The following FGFR3 variants were observed in gnomAD, a reference collection of about 807,000 sequenced individuals.
FGFR3 encodes FGFR-3.
FGFR3 carries 25 observed loss-of-function variants against 82.9 expected under a neutral mutation model. That is an observed-to-expected ratio of 0.30 (90% CI 0.22 to 0.42). The LOEUF (loss-of-function observed/expected upper bound fraction) is 0.42, where lower values mean the gene tolerates loss of function less well. Among genes scored for constraint, FGFR3 ranks in the 10% least tolerant of loss-of-function variants. The pLI, the probability that FGFR3 is intolerant of heterozygous loss-of-function variation, is 1.00. For synonymous variants in FGFR3, 620 were observed against 516.0 expected (o/e 1.20, Z -2.73); for missense variants, 1,026 against 1,161.0 (o/e 0.88, Z 1.69).
intron 2 of FGFR3, among the ~76,000 whole-genome samples, chr4:1,798,706 G>A (rs536198052): frequency 9.2e-5 from 14 of 152,204 alleles, no homozygotes; most frequent in East Asian, 7.7e-4. Flanking sequence ...TATGGGGTGC[G>A]GGGGCTACTG....
intron 4 of FGFR3, 133 bp from the exon 5 acceptor site, chr4:1,801,234 A>C: frequency 9.7e-7 from 1 of 1,033,750 alleles, no homozygotes; most frequent in Non-Finnish European, 1.4e-6. Flanking sequence ...TGGGAACCTC[A>C]TCCCGCCCTC....
rs768897749 is a variant in FGFR3 at position 1,805,647 on chromosome 4, G to A, written c.1623G>A (p.Leu541=). The stretch of plus-strand genomic sequence containing the variant: ...GGAAACACAAAAACATCATCAACCT[G>A]CTGGGCGCCTGCACGCAGGGCGGTA... ...MIGKHKNIIN[L]LGACTQGGPL... is the part of the protein sequence containing the mutation. The change falls in exon 12 of 18, where the codon CTG becomes CTA. Residue 541 remains leucine, a synonymous_variant. Coordinates refer to ENST00000440486, the MANE Select transcript of FGFR3 (RefSeq NM_000142.5). 6.2e-7 allele frequency: 1 copy of A among 1,613,212 alleles called. No individual in the cohort carries two copies. Among genetic ancestry groups the A allele is most frequent in the Non-Finnish European group, 8.5e-7 (1 of 1,179,742 alleles).
At chr4:1,799,559 C>T (rs2108774247) in intron 3 of FGFR3, 36 bp downstream of exon 3, 1 of 1,549,786 alleles carries the variant, frequency 6.5e-7, no homozygotes, top group Non-Finnish European at 8.7e-7. Flanking sequence ...CAGAAAGGAG[C>T]CGAGTGCCGG....
chr4:1,803,054 G>T, intron 7 of FGFR3: 3 of 1,595,480 alleles, frequency 1.9e-6, no homozygotes, highest in Non-Finnish European at 2.6e-6. Flanking sequence ...GCGTTCACGG[G>T]CCCCGAGCAG....
In FGFR3 at chr4:1,805,404, A is replaced by C; in HGVS notation, c.1462A>C (p.Met488Leu). The stretch of plus-strand genomic sequence containing the variant: ...GGAGGGCTGCTTCGGCCAGGTGGTC[A>C]TGGCGGAGGCCATCGGCATTGACAA... ...LGEGCFGQVV[M>L]AEAIGIDKDR... Residue 488 changes from methionine to leucine, a missense_variant, in exon 11 of 18, where the codon ATG (methionine) becomes CTG (leucine). By Grantham distance (15) the Met-to-Leu change is conservative. Around this residue, in one of 9 missense-constraint regions of FGFR3, gnomAD observed 22 missense variants for 52.8 expected, o/e 0.42. Transcript: ENST00000440486. 1 of 1,612,430 alleles carries C rather than the reference A, an allele frequency of 6.2e-7. No individual in the cohort carries two copies. Among genetic ancestry groups the C allele is most frequent in the Non-Finnish European group, 8.5e-7 (1 of 1,179,714 alleles).
intron 7 of FGFR3, among the ~76,000 whole-genome samples, chr4:1,802,726 G>T (rs1047421782): frequency 1.3e-5 from 2 of 152,178 alleles, no homozygotes; most frequent in Non-Finnish European, 2.9e-5. Flanking sequence ...GGTTGTTGGG[G>T]TGGAGGCAGA....
Position 1,805,662 on chromosome 4 carries a change from G to T in FGFR3, c.1638G>T (p.Thr546=), listed in dbSNP as rs766139511. ...KNIINLLGAC[T]QGGPLYVLVE... ...TCATCAACCTGCTGGGCGCCTGCAC[G>T]CAGGGCGGTAGGTGCGGTAGCGGCG... The change falls in exon 12 of 18, where the codon ACG becomes ACT. Residue 546 remains threonine (T), a synonymous_variant. Transcript: ENST00000440486. 12 of 1,612,802 alleles carry T rather than the reference G, an allele frequency of 7.4e-6. No individual in the cohort carries two copies. The highest frequency in any genetic ancestry group is 1.0e-5 in the Non-Finnish European group (12 of 1,179,646).
chr4:1,793,595 G>T, intron 1 of FGFR3, 130 bp downstream of exon 1: 1 of 150,406 alleles, frequency 6.6e-6, no homozygotes, highest in South Asian at 2.1e-4. Flanking sequence ...TTCCCGCTCC[G>T]GAAAGTTTGC....
intron 6 of FGFR3, 38 bp downstream of exon 6, chr4:1,801,781 G>A (rs1357256750): frequency 4.4e-6 from 7 of 1,587,890 alleles, no homozygotes; most frequent in Non-Finnish European, 6.0e-6. Flanking sequence ...GGGGGCGGCA[G>A]TGGCGGTGGT....
At chr4:1,799,192 G>C in intron 2 of FGFR3, 62 bp from the exon 3 acceptor site, 2 of 1,609,778 alleles carry the variant, frequency 1.2e-6, no homozygotes, top group Non-Finnish European at 1.7e-6. Flanking sequence ...TTCCACTGCT[G>C]TGTCTGTAAA....
intron 2 of FGFR3, among the ~76,000 whole-genome samples, chr4:1,798,747 C>G (rs545076621): frequency 6.6e-6 from 1 of 152,156 alleles, no homozygotes; most frequent in Non-Finnish European, 1.5e-5. Context: ...TGAATCTGCA[C>G]CACGAGGGGG....
intron 3 of FGFR3, 39 bp from the exon 4 acceptor site, chr4:1,799,708 G>T: frequency 1.2e-6 from 2 of 1,610,756 alleles, no homozygotes; most frequent in Non-Finnish European, 1.7e-6. Context: ...GCCTCCTGGG[G>T]CAGGTTGGGC....
chr4:1,795,658 C>T (rs954391025), intron 2 of FGFR3, among the ~76,000 whole-genome samples: 3 of 152,186 alleles, frequency 2.0e-5, no homozygotes, highest in Non-Finnish European at 2.9e-5. Context: ...CACTGGACTG[C>T]CCTGGCCACC....
At position 1,804,869 on chromosome 4, in the gene FGFR3, G is replaced by T; in HGVS notation, c.1312G>T (p.Val438Leu). The change falls in exon 10 of 18, where the codon GTG (valine) becomes TTG (leucine). Residue 438 changes from valine (V) to leucine (L), a missense_variant. By Grantham distance (32) the Val-to-Leu change is conservative. Around this residue, in one of 9 missense-constraint regions of FGFR3, gnomAD observed 256 missense variants for 217.6 expected, o/e 1.18. Coordinates refer to ENST00000440486, the MANE Select transcript of FGFR3 (RefSeq NM_000142.5). ...NASMSSNTPL[V>L]RIARLSSGEG... ...GTCCATGAGCTCCAACACACCACTG[G>T]TGCGCATCGCAAGGCTGTCCTCAGG... The T allele has an allele frequency of 2.6e-6, 4 of 1,550,112 alleles. No individual in the cohort carries two copies. Among genetic ancestry groups the T allele is most frequent in the Non-Finnish European group, 3.5e-6 (4 of 1,146,940 alleles).
At position 1,806,693 on chromosome 4, in the gene FGFR3, A is replaced by G. The variant is rs746470447; in HGVS notation, c.2168+10A>G. 4 of 1,611,526 alleles carry G rather than the reference A, an allele frequency of 2.5e-6. No homozygotes were observed. The highest frequency in any genetic ancestry group is 1.3e-5 in the African/African-American group (1 of 74,786). On this transcript the variant is annotated intron_variant, in intron 16 of 17. Transcript: ENST00000440486. The stretch of plus-strand genomic sequence containing the variant: ...ACTGCACACACGACCTGTGAGTGGC[A>G]TCCCTGGCCCTCCACTGGGTCCTCA...
chr4:1,799,522 A>G lies in FGFR3; in HGVS notation c.378A>G (p.Thr126=). The G allele has an allele frequency of 1.3e-6, 2 of 1,553,794 alleles. No homozygotes were observed. Among genetic ancestry groups the G allele is most frequent in the Non-Finnish European group, 1.7e-6 (2 of 1,149,598 alleles). Residue 126 remains threonine (T), a splice_region_variant and synonymous_variant, in exon 3 of 18, where the codon ACA becomes ACG. Coordinates refer to ENST00000440486, the MANE Select transcript of FGFR3 (RefSeq NM_000142.5). ...RVLCHFSVRV[T]DAPSSGDDED... ...TGTGCCACTTCAGTGTGCGGGTGAC[A>G]GGTGAGCTCTGGGGCCACGCCAGCT...
At position 1,807,677 on chromosome 4, in the gene FGFR3, C is replaced by G. The variant is rs1411903110; in HGVS notation, c.*415C>G. The G allele has an allele frequency of 4.8e-6, 3 of 622,404 alleles. No homozygotes were observed. In the African/African-American group the frequency reaches 5.3e-5, roughly 11 times the overall value. 38.6% of individuals were successfully genotyped at this position (622,404 alleles called of 1,614,324 possible). On this transcript the variant is annotated 3_prime_UTR_variant, in exon 18 of 18. Transcript: ENST00000440486. ...AGGGTGGGCCTCGGCCCCTCCCACA[C>G]CCAAAGCTGAGCCTGCAGGGAAGCC...
rs1721887181 is a variant in FGFR3 at position 1,806,171 on chromosome 4, A to G, written c.1957A>G (p.Asn653Asp). The part of the protein sequence containing the change: ...HNLDYYKKTT[N>D]GRLPVKWMAP... ...CCTCGACTACTACAAGAAGACGACC[A>G]ACGTGAGCCCGGCCCTGGGGTGCGG... Residue 653 changes from asparagine (N) to aspartate (D), a missense_variant and splice_region_variant, in exon 14 of 18, where the codon AAC (asparagine) becomes GAC (aspartate). By Grantham distance (23) the Asn-to-Asp change is conservative. Transcript: ENST00000440486. The G allele has an allele frequency of 6.2e-7, 1 of 1,612,764 alleles. No individual in the cohort carries two copies. Among genetic ancestry groups the G allele is most frequent in the Admixed American group, 1.7e-5 (1 of 59,902 alleles).
intron 7 of FGFR3, chr4:1,803,217 C>T (rs1299138226): frequency 2.1e-6 from 2 of 960,306 alleles, no homozygotes; most frequent in South Asian, 2.3e-5. Flanking sequence ...CAGCTCCAGC[C>T]TCCACGGTGA....
Sources: gnomAD v4.1 joint callset for allele counts (sites outside exome capture counted in the v4.1 genomes callset) on GRCh38, gnomAD v4.1.1 for gene constraint, gnomAD v4.1.1 regional missense constraint, MANE v1.5 for transcripts, NCBI Gene and HGNC (gene_info 2026-07-23, HGNC 2026-07-21) for gene names.